Variants in GRIP1 observed in about 807,000 individuals in gnomAD.
GRIP1 encodes glutamate receptor interacting protein 1, also known as glutamate receptor-interacting protein 1.
In GRIP1, 45 loss-of-function variants were observed where a neutral mutation model predicts 129.9. That is an observed-to-expected ratio of 0.35 (90% confidence interval 0.27 to 0.44). The LOEUF is 0.44. Ranked by LOEUF, GRIP1 falls within the 20% of genes least tolerant of loss-of-function variation. The pLI, the probability that GRIP1 is intolerant of heterozygous loss-of-function variation, is 1.00. For missense variants in GRIP1, 1,196 were observed against 1,396.8 expected (o/e 0.86, Z 2.29); for synonymous variants, 530 against 520.8 (o/e 1.02, Z -0.24).
chr12:66,714,896 C>T (rs368764666), intron 1 of GRIP1, among the ~76,000 whole-genome samples: 29 of 149,436 alleles, frequency 1.9e-4, no homozygotes, highest in Admixed American at 4.0e-4. Context: ...CCCATCCATC[C>T]ATCCATCCAT....
At chr12:67,050,219 C>A (rs1159723847) in intron 1 of GRIP1, among the ~76,000 whole-genome samples, 1 of 152,106 alleles carries the variant, frequency 6.6e-6, no homozygotes, top group Non-Finnish European at 1.5e-5. Context: ...ATTAAATCTT[C>A]ACGCAACTTA....
At chr12:66,621,855 T>C (rs1187708770) in intron 1 of GRIP1, among the ~76,000 whole-genome samples, 3 of 152,148 alleles carry the variant, frequency 2.0e-5, no homozygotes. Context: ...TATTGCTGAG[T>C]ATCTTTTCTT....
intron 1 of GRIP1, among the ~76,000 whole-genome samples, chr12:66,914,158 T>C (rs1004656054): frequency 1.2e-4 from 18 of 152,134 alleles, no homozygotes; most frequent in African/African-American, 4.1e-4. Context: ...CACGTGCAAA[T>C]AGCAAATTCT....
rs761155485 is a variant in GRIP1, at chr12:66,715,471, T to TGTGAGA, written c.-419-85136_-419-85135insTCTCAC. 1.3e-3 allele frequency among the ~76,000 whole-genome samples: 146 copies of TGTGAGA among 110,126 alleles called. 1 individual carries two copies. The highest frequency in any genetic ancestry group is 3.8e-3 in the African/African-American group (112 of 29,568). The allele number at this position is 110,126 out of a possible 152,430, so 72.2% of individuals were successfully genotyped here. A position where few individuals can be genotyped will look rare whatever the true frequency, so the allele number is the denominator to read the frequency against. ...AGCTTGATGTGTGTGTGTGTGTGTG[T>TGTGAGA]GAGAGAGAGAGAGAGAGAGAGAGAG... On this transcript the variant is annotated intron_variant, in intron 1 of 4. Coordinates refer to the GRIP1 transcript ENST00000538373.
At chr12:66,420,369 T>C (rs1443656222) in intron 15 of GRIP1, among the ~76,000 whole-genome samples, 3 of 151,702 alleles carry the variant, frequency 2.0e-5, no homozygotes, top group Admixed American at 2.0e-4. Context: ...TTGCACAACT[T>C]ATCACCTCTG....
chr12:66,552,639 G>T (rs191013890), intron 2 of GRIP1, among the ~76,000 whole-genome samples: 1 of 152,238 alleles, frequency 6.6e-6, no homozygotes. Flanking sequence ...TCAAACAATG[G>T]ACCAAAAGAA....
chr12:66,827,387 T>TGTGTGTGTGAGA lies in GRIP1; in HGVS notation c.59-230461_59-230460insTCTCACACACAC, dbSNP rs755458052. ...AGGTGTGTGTGTGTGTGTGTGTGTGTGAGAGAGAGAGAGAGAGAGAGAGAG... is the reference window on the plus strand; with the variant it reads ...AGGTGTGTGTGTGTGTGTGTGTGTGTGTGTGTGTGAGAGAGAGAGAGAGAGAGAGAGAGAGAG... On this transcript the variant is annotated intron_variant, in intron 1 of 1. Coordinates refer to the GRIP1 transcript ENST00000643019. Among the ~76,000 whole-genome samples, 273 of 108,258 alleles carry TGTGTGTGTGAGA rather than the reference T, an allele frequency of 2.5e-3. 3 individuals are homozygous for TGTGTGTGTGAGA. The highest frequency in any genetic ancestry group is 1.2e-3 in the Non-Finnish European group (62 of 53,292). 71.0% of individuals were successfully genotyped at this position (108,258 alleles called of 152,430 possible).
intron 7 of GRIP1, among the ~76,000 whole-genome samples, chr12:66,487,398 G>T (rs2059984292): frequency 6.6e-6 from 1 of 152,124 alleles, no homozygotes; most frequent in South Asian, 2.1e-4. Flanking sequence ...AAGCAAAGGA[G>T]AAATAAGGTC....
intron 1 of GRIP1, among the ~76,000 whole-genome samples, chr12:66,986,650 G>A (rs1315149940): frequency 7.2e-6 from 1 of 139,072 alleles, no homozygotes; most frequent in Admixed American, 7.5e-5. Context: ...GACACAGGAA[G>A]GGGAACATCA....
At chr12:66,428,862 AC>A (rs1357614529) in intron 14 of GRIP1, among the ~76,000 whole-genome samples, 1 of 152,224 alleles carries the variant, frequency 6.6e-6, no homozygotes, top group Non-Finnish European at 1.5e-5. Context: ...TGTGACAGAG[AC>A]AATCAGGATT....
At chr12:66,526,067 C>A (rs1040558653) in intron 5 of GRIP1, among the ~76,000 whole-genome samples, 1 of 152,006 alleles carries the variant, frequency 6.6e-6, no homozygotes, top group African/African-American at 2.4e-5. Context: ...CCATACTCAT[C>A]GATAGGAAGA....
intron 11 of GRIP1, among the ~76,000 whole-genome samples, chr12:66,453,014 T>C (rs1277742356): frequency 1.3e-5 from 2 of 152,208 alleles, no homozygotes; most frequent in Non-Finnish European, 2.9e-5. Context: ...ATGTTTATTG[T>C]GAGTGGTGCT....
intron 19 of GRIP1, 43 bp from the exon 20 acceptor site, chr12:66,379,479 T>A (rs1203206219): frequency 1.9e-6 from 3 of 1,591,292 alleles, no homozygotes; most frequent in Non-Finnish European, 2.6e-6. Flanking sequence ...CAAGGATTAC[T>A]TAATCCATTG....
In GRIP1 at chr12:66,843,058, G is replaced by A. The variant is rs377181473; in HGVS notation, c.58+225992C>T. On this transcript the variant is annotated intron_variant, in intron 1 of 1. Transcript: ENST00000643019. Reference sequence around the variant, plus strand: ...AAATTGTCAAGAAAACACCTTAAAAGAACCTGAGAAAATATCTAGTAATAG... The same window carrying A: ...AAATTGTCAAGAAAACACCTTAAAAAAACCTGAGAAAATATCTAGTAATAG... Among the ~76,000 whole-genome samples, 11 of 152,126 alleles carry A rather than the reference G, an allele frequency of 7.2e-5. 1 individual carries two copies. The highest frequency in any genetic ancestry group is 2.4e-4 in the African/African-American group (10 of 41,540).
intron 5 of GRIP1, among the ~76,000 whole-genome samples, chr12:66,528,331 G>T (rs1277791064): frequency 6.6e-6 from 1 of 151,924 alleles, no homozygotes; most frequent in Admixed American, 6.6e-5. Flanking sequence ...TAGAGATGGG[G>T]TTTCACCGTG....
chr12:66,834,442 C>T (rs568355209), intron 1 of GRIP1, among the ~76,000 whole-genome samples: 1 of 152,216 alleles, frequency 6.6e-6, no homozygotes, highest in African/African-American at 2.4e-5. Context: ...TCAATTAATA[C>T]AGATACAAGA....
chr12:67,025,606 T>TACTA (rs1393615485), intron 1 of GRIP1, among the ~76,000 whole-genome samples: 1 of 152,160 alleles, frequency 6.6e-6, no homozygotes, highest in Non-Finnish European at 1.5e-5. Context: ...TTACCTTTAG[T>TACTA]ATCTCCTCAT....
At position 67,056,874 on chromosome 12, in the gene GRIP1, G is replaced by T. The variant is rs189394400; in HGVS notation, c.58+12176C>A. 2.0e-5 allele frequency among the ~76,000 whole-genome samples: 3 copies of T among 152,258 alleles called. No homozygotes were observed. In the East Asian group the frequency reaches 5.8e-4, roughly 29 times the overall value. ...CACCAAGGCTGGGGTGCAATGGCATGTTCTCGGCTCACTGCAACCTCCGCC... is the reference window on the plus strand; with the variant it reads ...CACCAAGGCTGGGGTGCAATGGCATTTTCTCGGCTCACTGCAACCTCCGCC... On this transcript the variant is annotated intron_variant, in intron 1 of 1. Transcript: ENST00000643019.
In GRIP1 at chr12:66,392,325, G is replaced by C; in HGVS notation, c.2447C>G (p.Thr816Ser). The C allele has an allele frequency of 6.2e-7, 1 of 1,605,440 alleles. No individual in the cohort carries two copies. The highest frequency in any genetic ancestry group is 8.5e-7 in the Non-Finnish European group (1 of 1,172,064). ...VDSWDGSAID[T>S]SYGTQGTSFQ... ...AGACATACCTTGAGTTCCATAGCTGGTGTCTATTGCAGACCCATCCCATGA... is the reference window on the plus strand; with the variant it reads ...AGACATACCTTGAGTTCCATAGCTGCTGTCTATTGCAGACCCATCCCATGA... The change falls in exon 19 of 25, where the codon ACC (threonine) becomes AGC (serine). Residue 816 changes from threonine (T) to serine (S), a missense_variant. Physicochemically the swap from Thr to Ser is moderately conservative, Grantham distance 58 (BLOSUM62 1). Coordinates refer to ENST00000359742, the MANE Select transcript of GRIP1 (RefSeq NM_001366722.1).
Sources: gnomAD v4.1 joint callset for allele counts (sites outside exome capture counted in the v4.1 genomes callset) on GRCh38, gnomAD v4.1.1 for gene constraint, MANE v1.5 for transcripts, NCBI Gene and HGNC (gene_info 2026-07-23, HGNC 2026-07-21) for gene names.